PBX1: variants seen among roughly 807,000 people sequenced by gnomAD.
The protein encoded by PBX1 is pre-B-cell leukemia transcription factor 1.
In PBX1, 6 loss-of-function variants were observed where a neutral mutation model predicts 53.4. That is an observed-to-expected ratio of 0.11 (90% CI 0.06 to 0.22). PBX1 has a LOEUF of 0.22. Among genes scored for constraint, PBX1 ranks in the 10% least tolerant of loss-of-function variants. The probability of loss-of-function intolerance (pLI) is 1.00; values close to 1 mark genes in which losing one functional copy is unlikely to be tolerated. For missense variants in PBX1, 251 were observed against 551.4 expected (o/e 0.46, Z 5.46); for synonymous variants, 204 against 212.3 (o/e 0.96, Z 0.34).
intron 2 of PBX1, chr1:164,683,932 A>C (rs1267950201): frequency 6.6e-6 from 1 of 152,126 alleles, no homozygotes; most frequent in Admixed American, 6.5e-5. Flanking sequence ...AATCCTCCTG[A>C]GTAGCTGGGA....
At chr1:164,725,446 G>A (rs1247771755) in intron 2 of PBX1, among the ~76,000 whole-genome samples, 1 of 152,068 alleles carries the variant, frequency 6.6e-6, no homozygotes, top group Non-Finnish European at 1.5e-5. Flanking sequence ...GTGTAACCAT[G>A]TTCTGCACAT....
At chr1:164,689,578 A>G (rs1390781002) in intron 2 of PBX1, among the ~76,000 whole-genome samples, 2 of 152,200 alleles carry the variant, frequency 1.3e-5, no homozygotes, top group Non-Finnish European at 2.9e-5. Flanking sequence ...ATTTCCTGGG[A>G]CATGGGTTGG....
chr1:164,600,075 C>T (rs1656052233), intron 2 of PBX1, among the ~76,000 whole-genome samples: 1 of 152,092 alleles, frequency 6.6e-6, no homozygotes, highest in Admixed American at 6.5e-5. Context: ...ATGGTGTTCC[C>T]ATTTCCTAAA....
At chr1:164,619,764 G>A (rs1172354148) in intron 2 of PBX1, among the ~76,000 whole-genome samples, 1 of 152,038 alleles carries the variant, frequency 6.6e-6, no homozygotes, top group Admixed American at 6.5e-5. Flanking sequence ...AGTTTTTTCA[G>A]GTTAAAAAAA....
intron 2 of PBX1, among the ~76,000 whole-genome samples, chr1:164,880,685 G>A (rs1197516650): frequency 1.3e-5 from 2 of 152,198 alleles, no homozygotes; most frequent in Admixed American, 1.3e-4. Flanking sequence ...TCCCACAGGT[G>A]TAGGATTGAC....
At chr1:164,853,053 C>T (rs1041935496), downstream of PBX1, among the ~76,000 whole-genome samples, 7 of 152,148 alleles carry the variant, frequency 4.6e-5, no homozygotes, top group Admixed American at 1.3e-4. Context: ...TTCTCACTTA[C>T]GGTATAGCCT....
chr1:164,879,009 A>G (rs114991088), intron 2 of PBX1, among the ~76,000 whole-genome samples: 2,087 of 152,322 alleles, frequency 0.014, 29 homozygotes, highest in Non-Finnish European at 0.019. Flanking sequence ...AGGTAAGCCC[A>G]CCACTGAGGC....
chr1:164,733,565 T>C (rs1227769498), intron 2 of PBX1, among the ~76,000 whole-genome samples: 6 of 152,174 alleles, frequency 3.9e-5, no homozygotes, highest in Non-Finnish European at 7.4e-5. Context: ...AGTACATTGA[T>C]GGTACATAAA....
At position 164,640,647 on chromosome 1, in the gene PBX1, C is replaced by G. The variant is rs139745998; in HGVS notation, c.265+77336C>G. 5.4e-3 allele frequency among the ~76,000 whole-genome samples: 815 copies of G among 151,194 alleles called. 6 individuals are homozygous for G. The highest frequency in any genetic ancestry group is 0.019 in the African/African-American group (784 of 41,124). ...TCTCAGCTCACTGCAACCTCTGCCT[C>G]CCAGGGTCAAACAATTCTCATGCCT... On this transcript the variant is annotated intron_variant, in intron 2 of 8. Transcript: ENST00000420696.
chr1:164,821,553 A>G lies in PBX1; in HGVS notation c.1127A>G (p.His376Arg). The G allele has an allele frequency of 1.2e-6, 2 of 1,613,992 alleles. No homozygotes were observed. The highest frequency in any genetic ancestry group is 1.7e-6 in the Non-Finnish European group (2 of 1,179,904). ...NVQSQVDTLR[H>R]VISQTGGYSD... ...TCTGTTTAGGTGGATACCCTTCGCC[A>G]TGTTATCAGCCAGACAGGAGGATAC... The change falls in exon 8 of 9, where the codon CAT (histidine) becomes CGT (arginine). Residue 376 changes from histidine (H) to arginine (R), a missense_variant. By Grantham distance (29) the His-to-Arg change is conservative (BLOSUM62 0). Around this residue, in one of 4 missense-constraint regions of PBX1, gnomAD observed 92 missense variants for 130.4 expected, o/e 0.71. Transcript: ENST00000420696.
At chr1:164,885,995 C>T (rs1393676697) in intron 2 of PBX1, among the ~76,000 whole-genome samples, 1 of 151,404 alleles carries the variant, frequency 6.6e-6, no homozygotes, top group African/African-American at 2.5e-5. Context: ...CTGCTGTATC[C>T]CCAGTTTCTA....
chr1:164,564,628 TC>T (rs1475735761), intron 2 of PBX1, among the ~76,000 whole-genome samples: 1 of 152,186 alleles, frequency 6.6e-6, no homozygotes, highest in Non-Finnish European at 1.5e-5. Context: ...GACCTCTAAG[TC>T]TTCCAGGTTG....
chr1:164,847,921 G>T lies in PBX1; in HGVS notation c.*1245G>T. On this transcript the variant is annotated 3_prime_UTR_variant, in exon 9 of 9. Transcript: ENST00000420696. ...TCCCACCACCTCTGGAGCACTCAGGGAGCCCCATACAGTACTTACAATGTC... is the reference window on the plus strand; with the variant it reads ...TCCCACCACCTCTGGAGCACTCAGGTAGCCCCATACAGTACTTACAATGTC... 4.7e-6 allele frequency: 5 copies of T among 1,054,368 alleles called. No individual in the cohort carries two copies. Among genetic ancestry groups the T allele is most frequent in the Non-Finnish European group, 5.7e-6 (5 of 872,404 alleles). 65.3% of individuals were successfully genotyped at this position (1,054,368 alleles called of 1,614,324 possible).
chr1:164,627,894 A>G (rs1276845935), intron 2 of PBX1, among the ~76,000 whole-genome samples: 1 of 152,234 alleles, frequency 6.6e-6, no homozygotes, highest in African/African-American at 2.4e-5. Flanking sequence ...CCCTGAATTT[A>G]CCCAAGCTGG....
chr1:164,836,038 A>G (rs1167861714), intron 8 of PBX1, among the ~76,000 whole-genome samples: 1 of 152,206 alleles, frequency 6.6e-6, no homozygotes, highest in East Asian at 1.9e-4. Flanking sequence ...CCTAAGCCAA[A>G]TAAATAAATC....
At chr1:164,789,968 C>CTTTT (rs59415842) in intron 2 of PBX1, among the ~76,000 whole-genome samples, 12 of 150,102 alleles carry the variant, frequency 8.0e-5, no homozygotes, top group African/African-American at 2.7e-4. Flanking sequence ...AGAGGCGATT[C>CTTTT]TTTTTTTTTT....
At chr1:164,589,006 C>G (rs1277408054) in intron 2 of PBX1, among the ~76,000 whole-genome samples, 1 of 152,140 alleles carries the variant, frequency 6.6e-6, no homozygotes, top group South Asian at 2.1e-4. Flanking sequence ...CTCCCCAGCC[C>G]CCTCCCCGAT....
At chr1:164,650,596 G>C (rs1659744360) in intron 2 of PBX1, among the ~76,000 whole-genome samples, 1 of 152,180 alleles carries the variant, frequency 6.6e-6, no homozygotes, top group Non-Finnish European at 1.5e-5. Flanking sequence ...ATTATGTGGA[G>C]AATAGAGAGC....
At chr1:164,875,805 A>G (rs1445048006) in intron 2 of PBX1, among the ~76,000 whole-genome samples, 2 of 152,120 alleles carry the variant, frequency 1.3e-5, no homozygotes, top group East Asian at 3.9e-4. Context: ...CATGTCTGTC[A>G]CAGAACTGGA....
Sources: gnomAD v4.1 joint callset for allele counts (sites outside exome capture counted in the v4.1 genomes callset) on GRCh38, gnomAD v4.1.1 for gene constraint, gnomAD v4.1.1 regional missense constraint, MANE v1.5 for transcripts, NCBI Gene and HGNC (gene_info 2026-07-23, HGNC 2026-07-21) for gene names.